WWOX: variants seen among roughly 807,000 people sequenced by gnomAD.
WWOX encodes WW domain-containing oxidoreductase.
Under a neutral mutation model 46.2 loss-of-function variants are expected in WWOX, and 69 were observed. The observed-to-expected ratio is 1.49, with a 90% CI of 1.23 to 1.82. WWOX has a LOEUF of 1.82. WWOX is among the 40% of genes most tolerant of loss of function. The pLI, the probability that WWOX is intolerant of heterozygous loss-of-function variation, is 0.00. For synonymous variants in WWOX, 359 were observed against 202.6 expected (o/e 1.77, Z -6.56); for missense variants, 919 against 542.6 (o/e 1.69, Z -6.89).
Position 79,001,376 on chromosome 16 carries a change from T to C in WWOX, c.1057-210232T>C, listed in dbSNP as rs999263135. Among the ~76,000 whole-genome samples, 7 of 152,234 alleles carry C rather than the reference T, an allele frequency of 4.6e-5. No homozygotes were observed. The East Asian group carries it at 1.4e-3, about 29-fold the overall frequency. Reference sequence around the variant, plus strand: ...TTAAGGGATGCTGTTGAGTTTCTTCTGGTGGAGCGAAGGATTTGTAGCAAA... The same window carrying C: ...TTAAGGGATGCTGTTGAGTTTCTTCCGGTGGAGCGAAGGATTTGTAGCAAA... On this transcript the variant is annotated intron_variant, in intron 8 of 8. Coordinates refer to ENST00000566780, the MANE Select transcript of WWOX (RefSeq NM_016373.4).
Position 79,056,667 on chromosome 16 carries a change from C to A in WWOX, c.1057-154941C>A, listed in dbSNP as rs548711347. On this transcript the variant is annotated intron_variant, in intron 8 of 8. Transcript: ENST00000566780. ...CCTCTTGTCACAAACACAAATGTCT[C>A]CAAACATTGCCAATCCCCCTCCATT... is the stretch of plus-strand genomic sequence containing the variant. Among the ~76,000 whole-genome samples, 7 of 152,294 alleles carry A rather than the reference C, an allele frequency of 4.6e-5. No individual in the cohort carries two copies. In the South Asian group the frequency reaches 1.2e-3, roughly 27 times the overall value.
intron 8 of WWOX, among the ~76,000 whole-genome samples, chr16:78,751,501 A>G (rs1259054984): frequency 7.0e-6 from 1 of 143,274 alleles, no homozygotes; most frequent in Non-Finnish European, 1.5e-5. Context: ...ATATGTTTGT[A>G]TATAAATATA....
chr16:78,760,190 A>T (rs1330886626), intron 8 of WWOX, among the ~76,000 whole-genome samples: 1 of 152,218 alleles, frequency 6.6e-6, no homozygotes, highest in Admixed American at 6.5e-5. Flanking sequence ...AGAGAGAGTG[A>T]CAGCCAGGTG....
At chr16:79,020,804 A>G (rs2047518110) in intron 8 of WWOX, among the ~76,000 whole-genome samples, 1 of 152,176 alleles carries the variant, frequency 6.6e-6, no homozygotes, top group South Asian at 2.1e-4. Context: ...CCATTACGGA[A>G]TCTCCCTGAA....
At chr16:78,829,258 C>G (rs542195045) in intron 8 of WWOX, among the ~76,000 whole-genome samples, 1 of 152,126 alleles carries the variant, frequency 6.6e-6, no homozygotes, top group Non-Finnish European at 1.5e-5. Context: ...AGCCAGCAAT[C>G]TGGAGATCCA....
intron 8 of WWOX, among the ~76,000 whole-genome samples, chr16:78,725,339 CTTTTCTTTTTTTTT>C (rs1371844799): frequency 8.1e-5 from 7 of 86,774 alleles, no homozygotes; most frequent in African/African-American, 2.4e-4. Flanking sequence ...CTTTTCTTTT[CTTTTCTTTTTTTTT>C]TTTTTTTTTT....
chr16:78,549,395 T>C (rs2151540363), intron 8 of WWOX, among the ~76,000 whole-genome samples: 1 of 152,346 alleles, frequency 6.6e-6, no homozygotes, highest in African/African-American at 2.4e-5. Context: ...TTAGACAGAA[T>C]ATCACTTTTT....
Position 78,345,078 on chromosome 16 carries a change from C to T in WWOX, c.517-41782C>T, listed in dbSNP as rs2081071656. 1.7e-5 allele frequency among the ~76,000 whole-genome samples: 2 copies of T among 118,574 alleles called. 1 individual carries two copies. 77.8% of individuals were successfully genotyped at this position (118,574 alleles called of 152,430 possible). A position where few individuals can be genotyped will look rare whatever the true frequency, so the allele number is the denominator to read the frequency against. On this transcript the variant is annotated intron_variant, in intron 5 of 8. Coordinates refer to ENST00000566780, the MANE Select transcript of WWOX (RefSeq NM_016373.4). ...GGACCTAAAGTACCTAGGAGATTGT[C>T]CTGGATGTCGTTTTCTCATAAAGTT...
At chr16:78,992,786 C>T (rs1044521132) in intron 8 of WWOX, among the ~76,000 whole-genome samples, 4 of 152,130 alleles carry the variant, frequency 2.6e-5, no homozygotes, top group African/African-American at 9.7e-5. Flanking sequence ...TCTGAGCCCT[C>T]CTTGAGGGAC....
chr16:78,263,625 AAG>A (rs980179459), intron 5 of WWOX, among the ~76,000 whole-genome samples: 2 of 133,202 alleles, frequency 1.5e-5, no homozygotes, highest in African/African-American at 6.1e-5. Context: ...AACAGAGAGA[AAG>A]AGAGAGAGAG....
intron 5 of WWOX, among the ~76,000 whole-genome samples, chr16:78,357,121 C>A (rs533033748): frequency 6.6e-6 from 1 of 152,244 alleles, no homozygotes; most frequent in South Asian, 2.1e-4. Flanking sequence ...TTTCTCAGAG[C>A]CTTCGTGGCC....
chr16:79,002,624 A>T (rs894619763), intron 8 of WWOX, among the ~76,000 whole-genome samples: 1 of 152,220 alleles, frequency 6.6e-6, no homozygotes, highest in African/African-American at 2.4e-5. Flanking sequence ...CTGACTTTGC[A>T]TGAGGCCCTT....
intron 5 of WWOX, among the ~76,000 whole-genome samples, chr16:78,295,908 C>T (rs1443034873): frequency 6.6e-6 from 1 of 152,194 alleles, no homozygotes; most frequent in Non-Finnish European, 1.5e-5. Context: ...ATGATGATGC[C>T]TGTTTGGGTA....
intron 8 of WWOX, among the ~76,000 whole-genome samples, chr16:78,683,412 T>C (rs1356200523): frequency 6.6e-6 from 1 of 151,794 alleles, no homozygotes; most frequent in Non-Finnish European, 1.5e-5. Flanking sequence ...TGGTGGTGTG[T>C]GCCTGTAATC....
chr16:78,980,175 C>T (rs1452274433), intron 8 of WWOX, among the ~76,000 whole-genome samples: 1 of 152,174 alleles, frequency 6.6e-6, no homozygotes, highest in Admixed American at 6.5e-5. Flanking sequence ...CCAACTCCCA[C>T]CCCAAATCCT....
At chr16:78,138,364 CAGG>C (rs1392274524) in intron 4 of WWOX, among the ~76,000 whole-genome samples, 4 of 137,992 alleles carry the variant, frequency 2.9e-5, no homozygotes, top group Admixed American at 7.0e-5. Flanking sequence ...TATAATGCTT[CAGG>C]AGAACTCAGT....
chr16:78,833,045 T>C (rs1490163094), intron 8 of WWOX, among the ~76,000 whole-genome samples: 1 of 151,838 alleles, frequency 6.6e-6, no homozygotes, highest in Non-Finnish European at 1.5e-5. Flanking sequence ...TTTTTTTTTT[T>C]TTTTTTCCTT....
intron 8 of WWOX, among the ~76,000 whole-genome samples, chr16:78,921,994 T>C (rs1265675574): frequency 6.6e-6 from 1 of 152,230 alleles, no homozygotes; most frequent in Non-Finnish European, 1.5e-5. Context: ...ATGTGAAGCT[T>C]CTATTGTCCT....
chr16:78,317,569 C>T (rs1272475380), intron 5 of WWOX, among the ~76,000 whole-genome samples: 1 of 152,158 alleles, frequency 6.6e-6, no homozygotes, highest in Admixed American at 6.5e-5. Flanking sequence ...CTTCCAGAAC[C>T]TGAGAGTGTG....
Sources: gnomAD v4.1 joint callset for allele counts (sites outside exome capture counted in the v4.1 genomes callset) on GRCh38, gnomAD v4.1.1 for gene constraint, MANE v1.5 for transcripts, NCBI Gene and HGNC (gene_info 2026-07-23, HGNC 2026-07-21) for gene names.